Variants in PBX1 observed in about 807,000 individuals in gnomAD.
PBX1 encodes the protein pre-B-cell leukemia transcription factor 1.
Under a neutral mutation model 53.4 loss-of-function variants are expected in PBX1, and 6 were observed. The observed-to-expected ratio is 0.11, with a 90% CI of 0.06 to 0.22. The LOEUF is 0.22. Among genes scored for constraint, PBX1 ranks in the 10% least tolerant of loss-of-function variants. The probability of loss-of-function intolerance (pLI) is 1.00; values close to 1 mark genes in which losing one functional copy is unlikely to be tolerated. For missense variants in PBX1, 251 were observed against 551.4 expected (o/e 0.46, Z 5.46); for synonymous variants, 204 against 212.3 (o/e 0.96, Z 0.34).
chr1:164,564,514 C>G (rs1328107712), intron 2 of PBX1, among the ~76,000 whole-genome samples: 1 of 152,022 alleles, frequency 6.6e-6, no homozygotes, highest in Non-Finnish European at 1.5e-5. Context: ...TATGTAATTA[C>G]TTGGGTCTTG....
intron 2 of PBX1, among the ~76,000 whole-genome samples, chr1:164,606,058 G>C (rs1571051610): frequency 6.6e-6 from 1 of 152,166 alleles, no homozygotes; most frequent in Admixed American, 6.5e-5. Flanking sequence ...ATAGTGAATA[G>C]GCAAAAGGCT....
chr1:164,672,016 A>C (rs1571192422), intron 2 of PBX1, among the ~76,000 whole-genome samples: 1 of 140,716 alleles, frequency 7.1e-6, no homozygotes, highest in African/African-American at 2.6e-5. Context: ...CATTTTTCTT[A>C]CTCTGGTTGT....
chr1:164,859,691 T>C (rs4345787), intron 2 of PBX1, among the ~76,000 whole-genome samples: 75,359 of 152,004 alleles, frequency 0.5, 18,922 homozygotes, highest in Middle Eastern at 0.53. Context: ...TATCTGTAAA[T>C]CAGCCTTGCA....
intron 2 of PBX1, among the ~76,000 whole-genome samples, chr1:164,714,586 T>C (rs942438476): frequency 6.6e-6 from 1 of 152,200 alleles, no homozygotes; most frequent in African/African-American, 2.4e-5. Context: ...TAAGAACAAA[T>C]GCAATAATAG....
At chr1:164,745,883 C>T (rs922586767) in intron 2 of PBX1, among the ~76,000 whole-genome samples, 10 of 152,130 alleles carry the variant, frequency 6.6e-5, no homozygotes, top group Non-Finnish European at 1.0e-4. Context: ...AATACTCTTC[C>T]CAGTGCAGCC....
At chr1:164,720,110 C>T (rs919454113) in intron 2 of PBX1, among the ~76,000 whole-genome samples, 5 of 152,178 alleles carry the variant, frequency 3.3e-5, no homozygotes, top group Non-Finnish European at 7.3e-5. Flanking sequence ...AATGTCCAGC[C>T]TCACATGGAA....
chr1:164,851,367 G>A lies in PBX1; in HGVS notation c.*4691G>A. The A allele has an allele frequency of 4.9e-6, 1 of 205,184 alleles. No homozygotes were observed. 12.7% of individuals were successfully genotyped at this position (205,184 alleles called of 1,614,324 possible). A position where few individuals can be genotyped will look rare whatever the true frequency, so the allele number is the denominator to read the frequency against. On this transcript the variant is annotated 3_prime_UTR_variant, in exon 9 of 9. Transcript: ENST00000420696. ...AGGAAATATTTCTACCTGAACACTT[G>A]TACTCTTGAAGTCACAACAAAATAA...
intron 2 of PBX1, among the ~76,000 whole-genome samples, chr1:164,627,574 T>G (rs1243251592): frequency 6.6e-6 from 1 of 152,250 alleles, no homozygotes; most frequent in South Asian, 2.1e-4. Context: ...GGAAATAATA[T>G]TTCTCTTGAA....
At chr1:164,702,942 C>T (rs1169827412) in intron 2 of PBX1, 1 of 152,040 alleles carries the variant, frequency 6.6e-6, no homozygotes, top group Non-Finnish European at 1.5e-5. Flanking sequence ...CTTATGGTGC[C>T]AGCTCCACTG....
chr1:164,598,965 C>T (rs1341349459), intron 2 of PBX1, among the ~76,000 whole-genome samples: 1 of 152,062 alleles, frequency 6.6e-6, no homozygotes, highest in Admixed American at 6.5e-5. Context: ...AATTTGAATC[C>T]TGGTTTGTCC....
chr1:164,685,545 A>G (rs1662047818), intron 2 of PBX1, among the ~76,000 whole-genome samples: 1 of 152,160 alleles, frequency 6.6e-6, no homozygotes, highest in Non-Finnish European at 1.5e-5. Flanking sequence ...CAGCCATGAA[A>G]TAATGTGAGA....
intron 2 of PBX1, among the ~76,000 whole-genome samples, chr1:164,779,299 T>C (rs1667821122): frequency 6.6e-6 from 1 of 151,968 alleles, no homozygotes; most frequent in African/African-American, 2.4e-5. Context: ...TCTGGTCAAG[T>C]TTCCCCAGCT....
At chr1:164,821,232 C>T (rs1670137424) in intron 7 of PBX1, among the ~76,000 whole-genome samples, 1 of 152,124 alleles carries the variant, frequency 6.6e-6, no homozygotes, top group Non-Finnish European at 1.5e-5. Flanking sequence ...TTCATGCTTT[C>T]CCCTCCAGCT....
At chr1:164,700,377 C>A in intron 2 of PBX1, 2 of 843,414 alleles carry the variant, frequency 2.4e-6, no homozygotes, top group Non-Finnish European at 2.9e-6. Flanking sequence ...AAGGAAGGCA[C>A]ATCAAGGGAG....
rs984510543 is a variant in PBX1, at chr1:164,573,666, A to G, written c.265+10355A>G. Among the ~76,000 whole-genome samples, 11 of 151,886 alleles carry G rather than the reference A, an allele frequency of 7.2e-5. 1 individual carries two copies. The South Asian group carries it at 1.5e-3, about 20-fold the overall frequency. On this transcript the variant is annotated intron_variant, in intron 2 of 8. Coordinates refer to ENST00000420696, the MANE Select transcript of PBX1 (RefSeq NM_002585.4). ...GCCACTACACACCCTGCTAATTTTT[A>G]GTAGAGATGGGGTTTCACCATGTCG...
intron 2 of PBX1, among the ~76,000 whole-genome samples, chr1:164,601,235 CAAAAAAAAAA>C (rs746798555): frequency 0.011 from 390 of 34,018 alleles, 6 homozygotes; most frequent in African/African-American, 0.035. Flanking sequence ...GATTCTGTCT[CAAAAAAAAAA>C]AAAAAAAAAA....
intron 3 of PBX1, among the ~76,000 whole-genome samples, chr1:164,794,746 A>T (rs915682129): frequency 6.6e-6 from 1 of 152,198 alleles, no homozygotes; most frequent in Admixed American, 6.5e-5. Context: ...TTATTACCCA[A>T]TGTTCTTCCT....
chr1:164,796,641 T>G lies in PBX1; in HGVS notation c.511-3058T>G, dbSNP rs116348516. The stretch of plus-strand genomic sequence containing the variant: ...AGAAGATAGGTCTTATAGTTCAGGA[T>G]GTAAACTTAAACCTTATACAAGACT... On this transcript the variant is annotated intron_variant, in intron 3 of 8. Coordinates refer to ENST00000420696, the MANE Select transcript of PBX1 (RefSeq NM_002585.4). Among the ~76,000 whole-genome samples the G allele has an allele frequency of 5.9e-3, 905 of 152,306 alleles. 8 individuals carry two copies. Among genetic ancestry groups the G allele is most frequent in the African/African-American group, 0.021 (868 of 41,572 alleles).
At chr1:164,581,259 A>C (rs1571262864) in intron 2 of PBX1, among the ~76,000 whole-genome samples, 2 of 139,628 alleles carry the variant, frequency 1.4e-5, no homozygotes, top group African/African-American at 5.4e-5. Flanking sequence ...ATGGAGTCTC[A>C]CTCTGTCACC....
Sources: gnomAD v4.1 joint callset for allele counts (sites outside exome capture counted in the v4.1 genomes callset) on GRCh38, gnomAD v4.1.1 for gene constraint, MANE v1.5 for transcripts, NCBI Gene and HGNC (gene_info 2026-07-23, HGNC 2026-07-21) for gene names.